Variants in CCDC7 observed in about 807,000 individuals in gnomAD.
CCDC7 encodes coiled-coil domain-containing protein 7.
CCDC7 carries 183 observed loss-of-function variants against 196.9 expected under a neutral mutation model. The observed-to-expected ratio is 0.93, with a 90% CI of 0.82 to 1.05. The LOEUF (loss-of-function observed/expected upper bound fraction) is 1.05, where lower values mean the gene tolerates loss of function less well. Ranked by LOEUF, CCDC7 falls within the 50% of genes least tolerant of loss-of-function variation. CCDC7 has a pLI of 0.00. For missense variants in CCDC7, 1,540 were observed against 1,482.2 expected, an observed-to-expected ratio of 1.04 and a Z score of -0.64; for synonymous variants, 525 against 484.6, an observed-to-expected ratio of 1.08 and a Z score of -1.10.
intron 8 of CCDC7, among the ~76,000 whole-genome samples, chr10:32,482,673 G>A (rs1051585519): frequency 5.6e-5 from 8 of 143,454 alleles, no homozygotes; most frequent in South Asian, 5.0e-4. Flanking sequence ...AACAGGCCCC[G>A]GTGTGTGATG....
chr10:32,796,674 G>A (rs574052441), intron 29 of CCDC7, among the ~76,000 whole-genome samples: 7 of 152,214 alleles, frequency 4.6e-5, no homozygotes, highest in African/African-American at 1.7e-4. Flanking sequence ...CACTCCATCA[G>A]AGGACCTTTG....
intron 29 of CCDC7, among the ~76,000 whole-genome samples, chr10:32,786,662 G>A (rs1478205920): frequency 1.3e-5 from 2 of 152,164 alleles, no homozygotes; most frequent in Non-Finnish European, 2.9e-5. Flanking sequence ...TAGGGAGGCT[G>A]AAGCAGGAGA....
At chr10:32,497,816 T>C (rs991576676) in intron 9 of CCDC7, among the ~76,000 whole-genome samples, 3 of 152,236 alleles carry the variant, frequency 2.0e-5, no homozygotes, top group Non-Finnish European at 4.4e-5. Context: ...CTTCCAATTT[T>C]GTGGTCAATT....
At chr10:32,724,716 G>A (rs1208635100) in intron 25 of CCDC7, among the ~76,000 whole-genome samples, 3 of 152,098 alleles carry the variant, frequency 2.0e-5, no homozygotes, top group African/African-American at 7.2e-5. Flanking sequence ...CATCTAACCA[G>A]AGTCCCCTTA....
At chr10:32,777,825 C>T (rs1199076676) in intron 28 of CCDC7, among the ~76,000 whole-genome samples, 12 of 152,216 alleles carry the variant, frequency 7.9e-5, no homozygotes, top group Admixed American at 7.9e-4. Context: ...GATCGTGCCA[C>T]TGCACTCCAG....
At chr10:32,683,979 A>G (rs1171154094) in intron 21 of CCDC7, among the ~76,000 whole-genome samples, 2 of 152,122 alleles carry the variant, frequency 1.3e-5, no homozygotes, top group Non-Finnish European at 2.9e-5. Context: ...CCTCAGGGCA[A>G]TGGGGACTGG....
intron 20 of CCDC7, among the ~76,000 whole-genome samples, chr10:32,653,171 C>A (rs1432985371): frequency 6.6e-6 from 1 of 152,074 alleles, no homozygotes; most frequent in East Asian, 1.9e-4. Context: ...ATATTTGGGA[C>A]CTGAAGTCAC....
intron 11 of CCDC7, among the ~76,000 whole-genome samples, chr10:32,540,467 C>A (rs2051225768): frequency 6.6e-6 from 1 of 152,144 alleles, no homozygotes; most frequent in Non-Finnish European, 1.5e-5. Context: ...GGTCTTGCTT[C>A]CTTTTCCAGC....
rs529531320 is a variant in CCDC7 at position 32,559,948 on chromosome 10, T to C, written c.1135-5610T>C. On this transcript the variant is annotated intron_variant, in intron 13 of 41. Transcript: ENST00000639629. Reference sequence around the variant, plus strand: ...AAAAAAATTTAGACGAATGTATAACTAGAATAACCAATACAGTGAAGTGCT... The same window carrying C: ...AAAAAAATTTAGACGAATGTATAACCAGAATAACCAATACAGTGAAGTGCT... 9.8e-4 allele frequency among the ~76,000 whole-genome samples: 149 copies of C among 152,262 alleles called. 3 individuals are homozygous for C. In the Middle Eastern group the frequency reaches 0.014, roughly 14 times the overall value.
At chr10:32,593,275 T>G (rs2059967539) in intron 18 of CCDC7, among the ~76,000 whole-genome samples, 1 of 152,238 alleles carries the variant, frequency 6.6e-6, no homozygotes, top group South Asian at 2.1e-4. Context: ...CTTGTGGTTT[T>G]GATTTGCATT....
intron 9 of CCDC7, among the ~76,000 whole-genome samples, chr10:32,498,880 T>C (rs3006713): frequency 0.44 from 66,010 of 150,922 alleles, 15,074 homozygotes; most frequent in East Asian, 0.58. Flanking sequence ...TTGCTCTTCT[T>C]GAGGAATATC....
chr10:32,748,886 T>A (rs79834379), intron 28 of CCDC7, among the ~76,000 whole-genome samples: 3,116 of 152,276 alleles, frequency 0.02, 128 homozygotes, highest in African/African-American at 0.071. Context: ...TCCTTTTTCC[T>A]TTCCCTCTCT....
intron 28 of CCDC7, among the ~76,000 whole-genome samples, chr10:32,752,526 G>A (rs1300947254): frequency 1.3e-5 from 2 of 152,054 alleles, no homozygotes; most frequent in South Asian, 2.1e-4. Flanking sequence ...TTCACAAGAA[G>A]GATTTCTTCT....
At chr10:32,581,335 T>G (rs1335592925) in intron 16 of CCDC7, among the ~76,000 whole-genome samples, 1 of 152,160 alleles carries the variant, frequency 6.6e-6, no homozygotes, top group Non-Finnish European at 1.5e-5. Flanking sequence ...ATTGGGAGGG[T>G]GAAAACAACT....
intron 29 of CCDC7, among the ~76,000 whole-genome samples, chr10:32,797,285 A>G (rs916796500): frequency 4.0e-5 from 6 of 151,176 alleles, no homozygotes; most frequent in Admixed American, 6.6e-5. Context: ...ATATATACAT[A>G]TGTGTATATA....
At chr10:32,828,056 T>A (rs1035501816) in intron 32 of CCDC7, among the ~76,000 whole-genome samples, 7 of 152,166 alleles carry the variant, frequency 4.6e-5, no homozygotes, top group African/African-American at 1.7e-4. Flanking sequence ...ACAATCCCCC[T>A]TGTCTTGACT....
intron 21 of CCDC7, among the ~76,000 whole-genome samples, chr10:32,679,041 A>T (rs1380265655): frequency 6.6e-6 from 1 of 152,150 alleles, no homozygotes; most frequent in Non-Finnish European, 1.5e-5. Context: ...ATTCATGAAT[A>T]TGTATTTGGG....
At chr10:32,689,118 A>C (rs374773174) in exon 23 of CCDC7, 58 of 1,607,776 alleles carry the variant, frequency 3.6e-5, no homozygotes, top group Non-Finnish European at 4.8e-5. Flanking sequence ...AAAATCAGAA[A>C]TGCAAGTGAA....
At chr10:32,838,385 G>A (rs1418991823) in intron 33 of CCDC7, among the ~76,000 whole-genome samples, 1 of 151,976 alleles carries the variant, frequency 6.6e-6, no homozygotes, top group Non-Finnish European at 1.5e-5. Flanking sequence ...GCAGAAGAAA[G>A]AACTTCAGAG....
Sources: gnomAD v4.1 joint callset for allele counts (sites outside exome capture counted in the v4.1 genomes callset) on GRCh38, gnomAD v4.1.1 for gene constraint, MANE v1.5 for transcripts, NCBI Gene and HGNC (gene_info 2026-07-23, HGNC 2026-07-21) for gene names.